The following PCDHA4 variants were observed in gnomAD, a reference collection of about 807,000 sequenced individuals.
PCDHA4 encodes protocadherin alpha 4.
In PCDHA4, 49 loss-of-function variants were observed where a neutral mutation model predicts 61.4. The ratio of observed to expected loss-of-function variants is 0.80; its 90% CI spans 0.63 to 1.01. The LOEUF (loss-of-function observed/expected upper bound fraction) is 1.01, where lower values mean the gene tolerates loss of function less well. PCDHA4 is among the 50% of genes least tolerant of loss of function. The pLI is 0.00. For synonymous variants in PCDHA4, 590 were observed against 550.3 expected, an observed-to-expected ratio of 1.07 and a Z score of -1.01; for missense variants, 1,254 against 1,235.8, an observed-to-expected ratio of 1.01 and a Z score of -0.22.
chr5:140,938,945 T>C (rs1390189208), intron 1 of PCDHA4, among the ~76,000 whole-genome samples: 8 of 152,154 alleles, frequency 5.3e-5, no homozygotes, highest in African/African-American at 1.9e-4. Flanking sequence ...TCCATTCTTA[T>C]AATGCTCTAG....
chr5:140,837,972 C>T (rs929090739), intron 1 of PCDHA4, among the ~76,000 whole-genome samples: 2 of 151,768 alleles, frequency 1.3e-5, no homozygotes, highest in African/African-American at 2.4e-5. Context: ...AACAACCACA[C>T]CCAGCCTGCC....
chr5:140,863,212 C>A, intron 1 of PCDHA4: 1 of 1,051,288 alleles, frequency 9.5e-7, no homozygotes, highest in Non-Finnish European at 1.4e-6. Flanking sequence ...GGAGAGCAGC[C>A]AAGCGAGGAA....
In PCDHA4 at chr5:140,824,269, A is replaced by C. The variant is rs2150133814; in HGVS notation, c.2385+14697A>C. On this transcript the variant is annotated intron_variant, in intron 1 of 3. Coordinates refer to ENST00000530339, the MANE Select transcript of PCDHA4 (RefSeq NM_018907.4). ...ACACAATTATTGCACTAATTCATGTATTATATGCTTTTTATGAGGCTTTTC... is the reference window on the plus strand; with the variant it reads ...ACACAATTATTGCACTAATTCATGTCTTATATGCTTTTTATGAGGCTTTTC... 2.5e-6 allele frequency: 3 copies of C among 1,222,710 alleles called. No individual in the cohort carries two copies. The South Asian group carries it at 4.2e-5, about 17-fold the overall frequency. The allele number at this position is 1,222,710 out of a possible 1,614,324, so 75.7% of individuals were successfully genotyped here.
At chr5:140,867,183 G>A (rs1035791499) in intron 1 of PCDHA4, 3 of 151,946 alleles carry the variant, frequency 2.0e-5, no homozygotes, top group Non-Finnish European at 4.4e-5. Flanking sequence ...TCCCTACCTC[G>A]CAAGACTCCA....
chr5:141,009,746 T>C lies in PCDHA4; in HGVS notation c.2653T>C (p.Phe885Leu). ...CGGTCCCGGTGAGTTGCCCGACAAA[T>C]TCATTATCCCAGGATCTCCTGCAAT... ...QSGPGELPDK[F>L]IIPGSPAIIS... The change falls in exon 4 of 4, where the codon TTC becomes CTC. Residue 885 changes from phenylalanine to leucine, a missense_variant. Transcript: ENST00000530339. 6.2e-7 allele frequency: 1 copy of C among 1,614,062 alleles called. No homozygotes were observed. Among genetic ancestry groups the C allele is most frequent in the Non-Finnish European group, 8.5e-7 (1 of 1,180,018 alleles).
intron 1 of PCDHA4, among the ~76,000 whole-genome samples, chr5:140,931,490 C>T (rs1209591038): frequency 6.6e-6 from 1 of 151,888 alleles, no homozygotes; most frequent in Non-Finnish European, 1.5e-5. Flanking sequence ...ACCCTTCAAA[C>T]CAAATTTTTA....
intron 1 of PCDHA4, chr5:140,834,474 C>T (rs1554134247): frequency 1.1e-5 from 17 of 1,614,166 alleles, no homozygotes; most frequent in Non-Finnish European, 1.3e-5. Flanking sequence ...GAGAGGCCAG[C>T]TCCACTACTC....
In PCDHA4 at chr5:140,927,795, G is replaced by T; in HGVS notation, c.2386-51154G>T. ...TGCAAGTAGCTGCTTCACTAGGTCC[G>T]CCTGAAACGCTCTTGGAGGCATACA... On this transcript the variant is annotated intron_variant, in intron 1 of 3. Transcript: ENST00000530339. The T allele has an allele frequency of 1.9e-6, 3 of 1,614,144 alleles. 1 individual carries two copies. The highest frequency in any genetic ancestry group is 2.2e-5 in the South Asian group (2 of 91,080).
rs146495947 is a variant in PCDHA4, at chr5:140,843,027, G to C, written c.2385+33455G>C. 1.7e-3 allele frequency: 2,668 copies of C among 1,595,168 alleles called. 274 individuals carry two copies. Among genetic ancestry groups the C allele is most frequent in the Non-Finnish European group, 2.1e-3 (2,455 of 1,165,422 alleles). ...AACGCGCCGGCACTGCTGGAGCCTC[G>C]GGTGGGTGGCACTGGTGGCGCAGCG... is the stretch of plus-strand genomic sequence containing the variant. On this transcript the variant is annotated intron_variant, in intron 1 of 3. Transcript: ENST00000530339.
intron 1 of PCDHA4, chr5:140,856,840 C>G: frequency 6.3e-7 from 1 of 1,591,894 alleles, no homozygotes; most frequent in Non-Finnish European, 8.6e-7. Flanking sequence ...TACGGCTCAA[C>G]GCTTCTGATT....
chr5:140,829,379 G>T (rs150962684), intron 1 of PCDHA4: 1 of 1,614,184 alleles, frequency 6.2e-7, no homozygotes, highest in Non-Finnish European at 8.5e-7. Context: ...CGCGCGGGAC[G>T]GGGGCTCGCC....
At chr5:140,876,328 C>A in intron 1 of PCDHA4, 1 of 1,613,940 alleles carries the variant, frequency 6.2e-7, no homozygotes, top group Non-Finnish European at 8.5e-7. Flanking sequence ...AATGATTTTG[C>A]CAGTGAGTGA....
chr5:140,932,991 C>T (rs2088784414), intron 1 of PCDHA4, among the ~76,000 whole-genome samples: 1 of 151,940 alleles, frequency 6.6e-6, no homozygotes, highest in African/African-American at 2.4e-5. Context: ...AAATGCATGT[C>T]ATATGAATAT....
intron 1 of PCDHA4, chr5:140,883,983 G>A (rs2059929181): frequency 6.2e-7 from 1 of 1,612,892 alleles, no homozygotes; most frequent in East Asian, 2.2e-5. Flanking sequence ...GGGGCTGGCA[G>A]CGCGGGAGGC....
chr5:140,861,388 G>T, intron 1 of PCDHA4: 1 of 450,376 alleles, frequency 2.2e-6, no homozygotes, highest in African/African-American at 2.0e-5. Context: ...CAGGACCTGG[G>T]TCTGGAGCTT....
rs2054438060 is a variant in PCDHA4 at position 140,873,702 on chromosome 5, C to T, written c.2385+64130C>T. 9.2e-5 allele frequency among the ~76,000 whole-genome samples: 14 copies of T among 152,214 alleles called. No individual in the cohort carries two copies. In the South Asian group the frequency reaches 2.9e-3, roughly 32 times the overall value. ...TTGAGATAGAGTCTTGCTCTATCAC[C>T]CAGGCTGGTGTGCAGTGGCGCAATC... On this transcript the variant is annotated intron_variant, in intron 1 of 3. Transcript: ENST00000530339.
Position 140,814,177 on chromosome 5 carries a change from T to C in PCDHA4, c.2385+4605T>C, listed in dbSNP as rs2126652611. On this transcript the variant is annotated intron_variant, in intron 1 of 3. Coordinates refer to ENST00000530339, the MANE Select transcript of PCDHA4 (RefSeq NM_018907.4). ...TATATCCTTATTTTACAAGTTTTTT[T>C]GACTTTTAATTTTTTTATTTTTTTC... 1.3e-5 allele frequency: 2 copies of C among 152,850 alleles called. 1 individual carries two copies. The highest frequency in any genetic ancestry group is 4.1e-4 in the South Asian group (2 of 4,892). 9.5% of individuals were successfully genotyped at this position (152,850 alleles called of 1,614,324 possible).
At chr5:140,898,026 T>G (rs11167645) in intron 1 of PCDHA4, among the ~76,000 whole-genome samples, 49,476 of 151,852 alleles carry the variant, frequency 0.33, 8,303 homozygotes, top group East Asian at 0.53. Flanking sequence ...GCCCACTTTT[T>G]GATGGGGTTG....
chr5:140,809,384 G>C lies in PCDHA4; in HGVS notation c.2197G>C (p.Ala733Pro). 1 of 1,614,062 alleles carries C rather than the reference G, an allele frequency of 6.2e-7. No homozygotes were observed. Among genetic ancestry groups the C allele is most frequent in the East Asian group, 2.2e-5 (1 of 44,876 alleles). ...CSALPTEGAC[A>P]PGKPTLVCSS... Reference sequence around the variant, plus strand: ...TGCGCTGCCCACCGAGGGCGCGTGCGCTCCGGGCAAGCCCACGCTGGTGTG... The same window carrying C: ...TGCGCTGCCCACCGAGGGCGCGTGCCCTCCGGGCAAGCCCACGCTGGTGTG... Residue 733 changes from alanine (A) to proline (P), a missense_variant, in exon 1 of 4, where the codon GCT becomes CCT. Transcript: ENST00000530339.
Sources: gnomAD v4.1 joint callset for allele counts (sites outside exome capture counted in the v4.1 genomes callset) on GRCh38, gnomAD v4.1.1 for gene constraint, MANE v1.5 for transcripts, NCBI Gene and HGNC (gene_info 2026-07-23, HGNC 2026-07-21) for gene names.